Variants in DYNC1I1 observed in about 807,000 individuals in gnomAD.
DYNC1I1 encodes cytoplasmic dynein 1 intermediate chain 1.
DYNC1I1 carries 43 observed loss-of-function variants against 86.6 expected under a neutral mutation model. The ratio of observed to expected loss-of-function variants is 0.50; its 90% CI spans 0.39 to 0.64. The LOEUF (loss-of-function observed/expected upper bound fraction) is 0.64. DYNC1I1 is among the 30% of genes least tolerant of loss of function. DYNC1I1 has a pLI of 0.00. For synonymous variants in DYNC1I1, 262 were observed against 283.7 expected (o/e 0.92, Z 0.77); for missense variants, 604 against 788.8 (o/e 0.77, Z 2.81).
chr7:96,028,550 T>C (rs1008707661), intron 11 of DYNC1I1, among the ~76,000 whole-genome samples: 2 of 152,160 alleles, frequency 1.3e-5, no homozygotes, highest in Non-Finnish European at 2.9e-5. Flanking sequence ...GAGGATCTCC[T>C]TGGCTCTCCC....
Position 96,068,508 on chromosome 7 carries a change from A to AAG in DYNC1I1, c.1510-7546_1510-7545dup, listed in dbSNP as rs558248710. Among the ~76,000 whole-genome samples the AAG allele has an allele frequency of 5.6e-3, 847 of 152,308 alleles. 8 individuals are homozygous for AAG. The highest frequency in any genetic ancestry group is 0.019 in the African/African-American group (810 of 41,578). ...TATATATATGGTCAATTGTTGACGC[A>AAG]AGAGGTAGAATTAAACGTTTAGATA... On this transcript the variant is annotated intron_variant, in intron 14 of 16. Coordinates refer to ENST00000447467, the MANE Select transcript of DYNC1I1 (RefSeq NM_001135556.2).
chr7:95,860,826 C>T (rs920112492), intron 5 of DYNC1I1, among the ~76,000 whole-genome samples: 20 of 152,144 alleles, frequency 1.3e-4, no homozygotes, highest in Non-Finnish European at 2.5e-4. Flanking sequence ...CAAAAAATTC[C>T]TAAGCTAGTT....
intron 14 of DYNC1I1, among the ~76,000 whole-genome samples, chr7:96,050,371 T>C (rs1277310232): frequency 1.3e-5 from 2 of 152,178 alleles, no homozygotes; most frequent in Non-Finnish European, 2.9e-5. Context: ...AAGATCCAAA[T>C]TTAAAATGAA....
At chr7:95,940,919 C>G (rs1177884384) in intron 6 of DYNC1I1, among the ~76,000 whole-genome samples, 1 of 152,176 alleles carries the variant, frequency 6.6e-6, no homozygotes, top group Admixed American at 6.5e-5. Flanking sequence ...TTTTCCCCAT[C>G]TTCATGGTTT....
At chr7:95,911,584 T>C (rs748083168) in intron 6 of DYNC1I1, among the ~76,000 whole-genome samples, 16 of 152,106 alleles carry the variant, frequency 1.1e-4, no homozygotes, top group Non-Finnish European at 1.9e-4. Flanking sequence ...ATTTAGGAAA[T>C]AGTTGAAACA....
At chr7:95,780,325 T>G (rs1793956340) in intron 1 of DYNC1I1, among the ~76,000 whole-genome samples, 1 of 151,904 alleles carries the variant, frequency 6.6e-6, no homozygotes, top group Admixed American at 6.6e-5. Context: ...TGGAGTGCAG[T>G]GGCATGATCT....
chr7:95,872,051 G>A (rs1308255881), intron 6 of DYNC1I1, among the ~76,000 whole-genome samples: 1 of 152,226 alleles, frequency 6.6e-6, no homozygotes. Flanking sequence ...GCTGCCGGCA[G>A]TCACCCGGCT....
chr7:95,939,300 A>G (rs956456416), intron 6 of DYNC1I1, among the ~76,000 whole-genome samples: 24 of 152,154 alleles, frequency 1.6e-4, no homozygotes, highest in African/African-American at 5.6e-4. Flanking sequence ...AGTTCTGTAG[A>G]TATCTATTAG....
intron 1 of DYNC1I1, among the ~76,000 whole-genome samples, chr7:95,773,488 C>T (rs1437553717): frequency 6.6e-6 from 1 of 152,132 alleles, no homozygotes; most frequent in Admixed American, 6.5e-5. Flanking sequence ...CTGATGGGAA[C>T]TGAGTGTGCG....
At chr7:96,062,193 CTAAAG>C (rs939134153) in intron 14 of DYNC1I1, among the ~76,000 whole-genome samples, 7 of 152,174 alleles carry the variant, frequency 4.6e-5, no homozygotes, top group African/African-American at 1.7e-4. Context: ...GAGCACAAAC[CTAAAG>C]TAAAGTCAGG....
chr7:95,785,775 GTATATATATATATATATATATATATA>G (rs200152096), intron 1 of DYNC1I1, among the ~76,000 whole-genome samples: 8,322 of 124,932 alleles, frequency 0.067, 881 homozygotes, highest in African/African-American at 0.21. Context: ...GTGTGTATGT[GTATATATATATATATATATATATATA>G]TATATATATA....
chr7:95,978,255 A>G (rs1793358786), intron 7 of DYNC1I1, among the ~76,000 whole-genome samples: 1 of 152,218 alleles, frequency 6.6e-6, no homozygotes, highest in South Asian at 2.1e-4. Context: ...AACTTTATCC[A>G]AGGATACATA....
chr7:96,058,196 C>A (rs1789644548), intron 14 of DYNC1I1, among the ~76,000 whole-genome samples: 1 of 152,138 alleles, frequency 6.6e-6, no homozygotes, highest in Admixed American at 6.6e-5. Flanking sequence ...CAAAAGAATA[C>A]TAGATTTGTT....
chr7:95,944,218 A>T lies in DYNC1I1; in HGVS notation c.491-33294A>T, dbSNP rs537158259. Among the ~76,000 whole-genome samples the T allele has an allele frequency of 1.1e-4, 17 of 152,384 alleles. 1 individual carries two copies. In the South Asian group the frequency reaches 3.5e-3, roughly 32 times the overall value. ...CTCCATCAAAAAGTGGGCAAAGGAT[A>T]TGAACAGACACTTCTCAAAAGAAGA... On this transcript the variant is annotated intron_variant, in intron 6 of 16. Coordinates refer to ENST00000447467, the MANE Select transcript of DYNC1I1 (RefSeq NM_001135556.2).
At chr7:95,953,939 G>T (rs977724853) in intron 6 of DYNC1I1, among the ~76,000 whole-genome samples, 19 of 152,178 alleles carry the variant, frequency 1.2e-4, no homozygotes, top group Admixed American at 4.6e-4. Context: ...TTGACCAGAC[G>T]GCCCTGACTG....
At chr7:95,804,371 G>A (rs1358190848) in intron 1 of DYNC1I1, 1 of 1,277,332 alleles carries the variant, frequency 7.8e-7, no homozygotes, top group East Asian at 5.6e-5. Context: ...AAGTCATGAT[G>A]ATGGTTCTTT....
At chr7:95,987,020 G>C in intron 8 of DYNC1I1, 36 bp from the exon 9 acceptor site, 1 of 1,585,574 alleles carries the variant, frequency 6.3e-7, no homozygotes, top group Non-Finnish European at 8.7e-7. Flanking sequence ...TAGAGAAAGA[G>C]CTCCATATTT....
intron 15 of DYNC1I1, among the ~76,000 whole-genome samples, chr7:96,077,278 G>GTGTGT (rs1562996246): frequency 2.2e-4 from 30 of 135,632 alleles, no homozygotes; most frequent in African/African-American, 3.4e-4. Flanking sequence ...TGTGTGTGTG[G>GTGTGT]GAGGGGGCAG....
rs375862083 is a variant in DYNC1I1, at chr7:96,035,658, G to A, written c.1270G>A (p.Ala424Thr). Reference sequence around the variant, plus strand: ...GGTGTACAATAAGTCCAAGCCTGTCGCTGTTACCGGAATGGCTTTCCCAAC... The same window carrying A: ...GGTGTACAATAAGTCCAAGCCTGTCACTGTTACCGGAATGGCTTTCCCAAC... ...ELVYNKSKPVAVTGMAFPTGD... is the reference protein window; with the variant it reads ...ELVYNKSKPVTVTGMAFPTGD... Residue 424 changes from alanine (A) to threonine (T), a missense_variant, in exon 13 of 17, where the codon GCT (alanine) becomes ACT (threonine). Physicochemically the swap from Ala to Thr is moderately conservative, Grantham distance 58 (BLOSUM62 0). Coordinates refer to ENST00000447467, the MANE Select transcript of DYNC1I1 (RefSeq NM_001135556.2). The A allele has an allele frequency of 1.2e-6, 2 of 1,610,992 alleles. No homozygotes were observed. Among genetic ancestry groups the A allele is most frequent in the South Asian group, 1.1e-5 (1 of 90,354 alleles).
Sources: allele counts gnomAD v4.1 joint callset (sites outside exome capture counted in the v4.1 genomes callset), GRCh38; gene constraint gnomAD v4.1.1; transcripts MANE v1.5; gene names NCBI Gene and HGNC (gene_info 2026-07-23, HGNC 2026-07-21).